The following BORCS5 variants were observed in gnomAD, a reference collection of about 807,000 sequenced individuals.
BORCS5 encodes BLOC-1-related complex subunit 5.
A neutral mutation model predicts 22.1 loss-of-function variants in BORCS5; 17 were observed. The ratio of observed to expected loss-of-function variants is 0.77; its 90% CI spans 0.53 to 1.15. The LOEUF (loss-of-function observed/expected upper bound fraction) is 1.15. Among genes scored for constraint, BORCS5 ranks in the 50% most tolerant of loss-of-function variants. The pLI, the probability that BORCS5 is intolerant of heterozygous loss-of-function variation, is 0.00. For synonymous variants in BORCS5, 117 were observed against 99.8 expected (o/e 1.17, Z -1.03); for missense variants, 247 against 253.2 (o/e 0.98, Z 0.17).
intron 2 of BORCS5, among the ~76,000 whole-genome samples, chr12:12,366,972 C>G (rs1230770000): frequency 6.6e-6 from 1 of 152,162 alleles, no homozygotes; most frequent in African/African-American, 2.4e-5. Context: ...CAAACATATA[C>G]AGTGTAGATA....
At chr12:12,402,336 G>C (rs1941499868) in intron 2 of BORCS5, among the ~76,000 whole-genome samples, 2 of 152,104 alleles carry the variant, frequency 1.3e-5, no homozygotes, top group African/African-American at 2.4e-5. Flanking sequence ...ACATGCTTAA[G>C]GATCATGAGA....
chr12:12,449,652 G>C (rs955698423), intron 3 of BORCS5, among the ~76,000 whole-genome samples: 1 of 152,206 alleles, frequency 6.6e-6, no homozygotes, highest in African/African-American at 2.4e-5. Flanking sequence ...TGAATAAAAT[G>C]TGTTCTTTTT....
intron 2 of BORCS5, among the ~76,000 whole-genome samples, chr12:12,378,729 C>T (rs1264409132): frequency 2.6e-5 from 4 of 151,172 alleles, no homozygotes; most frequent in Admixed American, 2.6e-4. Context: ...TATATTGTAG[C>T]AGTGTTAATT....
intron 2 of BORCS5, among the ~76,000 whole-genome samples, chr12:12,405,974 C>A (rs1941586409): frequency 6.6e-6 from 1 of 152,256 alleles, no homozygotes; most frequent in Admixed American, 6.5e-5. Context: ...TGCCACAGAA[C>A]TGAGCCACTG....
intron 2 of BORCS5, among the ~76,000 whole-genome samples, chr12:12,414,017 G>GC (rs1369424798): frequency 2.8e-5 from 2 of 71,864 alleles, no homozygotes; most frequent in Middle Eastern, 9.6e-3. Flanking sequence ...CCGGGCAGAG[G>GC]CCCCCCTCAC....
intron 3 of BORCS5, among the ~76,000 whole-genome samples, chr12:12,445,456 T>G (rs1227605727): frequency 6.6e-6 from 1 of 151,756 alleles, no homozygotes; most frequent in African/African-American, 2.4e-5. Flanking sequence ...TGCTTCTGTT[T>G]TTCTGTATTT....
intron 2 of BORCS5, among the ~76,000 whole-genome samples, chr12:12,362,788 C>T (rs1226463088): frequency 6.6e-6 from 1 of 151,530 alleles, no homozygotes; most frequent in African/African-American, 2.4e-5. Context: ...TTACAGATGC[C>T]TGCCACCACG....
chr12:12,380,145 A>G (rs1358764904), intron 2 of BORCS5, among the ~76,000 whole-genome samples: 1 of 151,350 alleles, frequency 6.6e-6, no homozygotes, highest in Non-Finnish European at 1.5e-5. Flanking sequence ...GTGGTGCCCA[A>G]AACAATTACA....
At chr12:12,417,152 G>T (rs1489516333) in intron 2 of BORCS5, among the ~76,000 whole-genome samples, 1 of 147,486 alleles carries the variant, frequency 6.8e-6, no homozygotes, top group Non-Finnish European at 1.5e-5. Context: ...ATAAGTTTTG[G>T]TATATTGTGT....
chr12:12,404,808 C>T (rs1433094781), intron 2 of BORCS5, among the ~76,000 whole-genome samples: 1 of 152,146 alleles, frequency 6.6e-6, no homozygotes, highest in African/African-American at 2.4e-5. Context: ...AAGTGATTCT[C>T]CTGCCTCAGC....
chr12:12,438,360 C>CAGAAAAAAAA (rs1942598686), intron 3 of BORCS5, among the ~76,000 whole-genome samples: 1 of 23,810 alleles, frequency 4.2e-5, no homozygotes, highest in Non-Finnish European at 6.9e-5. Flanking sequence ...GATTTCATCT[C>CAGAAAAAAAA]AAAAAAAAAA....
intron 3 of BORCS5, among the ~76,000 whole-genome samples, chr12:12,456,399 C>G (rs1183015939): frequency 6.6e-6 from 1 of 152,200 alleles, no homozygotes; most frequent in Non-Finnish European, 1.5e-5. Flanking sequence ...CCACTGTACT[C>G]CAGCCTGGGC....
intron 3 of BORCS5, among the ~76,000 whole-genome samples, chr12:12,448,609 G>A (rs908169371): frequency 6.7e-6 from 1 of 148,916 alleles, no homozygotes; most frequent in African/African-American, 2.5e-5. Flanking sequence ...GCTAACTGCA[G>A]CCTTTGCCTT....
intron 3 of BORCS5, among the ~76,000 whole-genome samples, chr12:12,448,164 G>A (rs112133663): frequency 5.9e-5 from 9 of 152,162 alleles, no homozygotes; most frequent in East Asian, 3.9e-4. Context: ...CTCTAAAGCC[G>A]CGCTTCCTTT....
intron 3 of BORCS5, 109 bp downstream of exon 3, chr12:12,435,894 C>T: frequency 9.0e-7 from 1 of 1,116,410 alleles, no homozygotes; most frequent in Non-Finnish European, 1.2e-6. Context: ...GAGGAGATTG[C>T]TTTTTCCCAG....
At chr12:12,403,946 C>A (rs1941535895) in intron 2 of BORCS5, among the ~76,000 whole-genome samples, 1 of 152,112 alleles carries the variant, frequency 6.6e-6, no homozygotes, top group South Asian at 2.1e-4. Flanking sequence ...GCTTTGTTGA[C>A]CTTTGGTATC....
intron 3 of BORCS5, among the ~76,000 whole-genome samples, chr12:12,457,517 A>T (rs1943019235): frequency 6.6e-6 from 1 of 152,316 alleles, no homozygotes; most frequent in African/African-American, 2.4e-5. Context: ...AAAATACAAA[A>T]AATTAGCTGG....
intron 3 of BORCS5, among the ~76,000 whole-genome samples, chr12:12,465,306 C>T (rs1458671943): frequency 6.6e-6 from 1 of 152,168 alleles, no homozygotes; most frequent in Non-Finnish European, 1.5e-5. Context: ...ACAAATAACG[C>T]ACATTCCCAG....
At position 12,435,772 on chromosome 12, in the gene BORCS5, A is replaced by C. The variant is rs1946282063; in HGVS notation, c.347A>C (p.Lys116Thr). ...GCTTTTGACCAGAATGCTTTGGTTA[A>C]ACGAATCAAAGAGGTAATGTGCTGC... ...AVAFDQNALV[K>T]RIKEMDLSVE... Residue 116 changes from lysine (K) to threonine (T), a missense_variant, in exon 3 of 4, where the codon AAA (lysine) becomes ACA (threonine). By Grantham distance (78) the Lys-to-Thr change is moderately conservative. Coordinates refer to ENST00000314565, the MANE Select transcript of BORCS5 (RefSeq NM_058169.6). 2 of 1,612,352 alleles carry C rather than the reference A, an allele frequency of 1.2e-6. No homozygotes were observed. The highest frequency in any genetic ancestry group is 1.7e-6 in the Non-Finnish European group (2 of 1,179,398).
Sources: gnomAD v4.1 joint callset for allele counts (sites outside exome capture counted in the v4.1 genomes callset) on GRCh38, gnomAD v4.1.1 for gene constraint, MANE v1.5 for transcripts, NCBI Gene and HGNC (gene_info 2026-07-23, HGNC 2026-07-21) for gene names.